The following GAREM1 variants were observed in gnomAD, a reference collection of about 807,000 sequenced individuals.
The protein encoded by GAREM1 is GRB2-associated and regulator of MAPK protein 1.
In GAREM1, 26 loss-of-function variants were observed where a neutral mutation model predicts 71.3. The observed-to-expected ratio is 0.36, with a 90% CI of 0.27 to 0.51. The LOEUF is 0.51. GAREM1 is among the 20% of genes least tolerant of loss of function. The pLI is 0.95. For synonymous variants in GAREM1, 440 were observed against 433.2 expected, an observed-to-expected ratio of 1.02 and a Z score of -0.20; for missense variants, 1,026 against 1,103.1, an observed-to-expected ratio of 0.93 and a Z score of 0.99.
intron 2 of GAREM1, among the ~76,000 whole-genome samples, chr18:32,315,165 T>C (rs2047363661): frequency 6.6e-6 from 1 of 151,900 alleles, no homozygotes; most frequent in Non-Finnish European, 1.5e-5. Context: ...TTTCATTCTG[T>C]CCCTTCAGAA....
chr18:32,356,387 G>A (rs944002839), intron 2 of GAREM1, among the ~76,000 whole-genome samples: 2 of 152,064 alleles, frequency 1.3e-5, no homozygotes, highest in African/African-American at 4.8e-5. Flanking sequence ...TTTGACTTTC[G>A]CTATCACAAA....
chr18:32,328,346 G>T (rs1288693515), intron 2 of GAREM1, among the ~76,000 whole-genome samples: 1 of 152,188 alleles, frequency 6.6e-6, no homozygotes, highest in Non-Finnish European at 1.5e-5. Context: ...ATTACTGCAG[G>T]AGATAGTGGG....
chr18:32,318,596 G>A (rs1390362069), intron 2 of GAREM1, among the ~76,000 whole-genome samples: 1 of 152,178 alleles, frequency 6.6e-6, no homozygotes, highest in Non-Finnish European at 1.5e-5. Context: ...TAGGGTTAGT[G>A]CCACCGATGA....
chr18:32,289,658 C>G (rs1162805632), intron 3 of GAREM1, among the ~76,000 whole-genome samples: 1 of 152,024 alleles, frequency 6.6e-6, no homozygotes, highest in Non-Finnish European at 1.5e-5. Flanking sequence ...GATATAGATT[C>G]ATGATTCTGA....
rs1160574091 is a variant in GAREM1, at chr18:32,264,305, C to T, written c.*3566G>A. On this transcript the variant is annotated 3_prime_UTR_variant, in exon 6 of 6. Transcript: ENST00000269209. ...GACTGAAATTAAAATTTCCTTTGAACAGTTCGCTAGGTTCTTTGAAGGATT... is the reference window on the plus strand; with the variant it reads ...GACTGAAATTAAAATTTCCTTTGAATAGTTCGCTAGGTTCTTTGAAGGATT... 6.6e-6 allele frequency: 1 copy of T among 152,164 alleles called. No homozygotes were observed. Among genetic ancestry groups the T allele is most frequent in the Non-Finnish European group, 1.5e-5 (1 of 68,030 alleles). The allele number at this position is 152,164 out of a possible 1,614,324, so 9.4% of individuals were successfully genotyped here.
chr18:32,366,236 C>G (rs1309553925), intron 2 of GAREM1, among the ~76,000 whole-genome samples: 1 of 152,142 alleles, frequency 6.6e-6, no homozygotes, highest in Non-Finnish European at 1.5e-5. Context: ...TCTAAACAGT[C>G]CCATAGCACC....
intron 2 of GAREM1, among the ~76,000 whole-genome samples, chr18:32,361,365 G>A (rs1332928725): frequency 6.6e-6 from 1 of 152,120 alleles, no homozygotes; most frequent in Non-Finnish European, 1.5e-5. Context: ...GGTGAGGAAG[G>A]CAAATCTGTT....
chr18:32,436,974 A>T (rs559145651), intron 1 of GAREM1, among the ~76,000 whole-genome samples: 1 of 152,206 alleles, frequency 6.6e-6, no homozygotes, highest in African/African-American at 2.4e-5. Context: ...TTAAATGAGA[A>T]ATTACACATA....
rs545881077 is a variant in GAREM1 at position 32,303,006 on chromosome 18, C to T, written c.393+7187G>A. Among the ~76,000 whole-genome samples the T allele has an allele frequency of 4.6e-5, 7 of 152,298 alleles. No individual in the cohort carries two copies. The South Asian group carries it at 8.3e-4, about 18-fold the overall frequency. ...CCTCAGCTCCTGGGCAGACCACGCACGCAGTAGGGAAGTGGTTCTGAAGAG... is the reference window on the plus strand; with the variant it reads ...CCTCAGCTCCTGGGCAGACCACGCATGCAGTAGGGAAGTGGTTCTGAAGAG... On this transcript the variant is annotated intron_variant, in intron 3 of 5. Coordinates refer to ENST00000269209, the MANE Select transcript of GAREM1 (RefSeq NM_001242409.2).
At chr18:32,412,488 C>T in intron 1 of GAREM1, 1 of 1,594,514 alleles carries the variant, frequency 6.3e-7, no homozygotes, top group Non-Finnish European at 8.5e-7. Flanking sequence ...AGCACGGCTG[C>T]CACCAAAGCC....
In GAREM1 at chr18:32,268,415, G is replaced by A. The variant is rs2041407559; in HGVS notation, c.2087C>T (p.Pro696Leu). Residue 696 changes from proline (P) to leucine (L), a missense_variant, in exon 6 of 6, where the codon CCC becomes CTC. Pro to Leu is a moderately conservative substitution (Grantham distance 98). Around this residue, in one of 3 missense-constraint regions of GAREM1, gnomAD observed 636 missense variants for 631.2 expected, o/e 1.01. Coordinates refer to ENST00000269209, the MANE Select transcript of GAREM1 (RefSeq NM_001242409.2). ...CTCCAGAGAGTAGCTGGCTGACTTGGGACAACCAGAGACGCTGCTACTGAA... is the reference window on the plus strand; with the variant it reads ...CTCCAGAGAGTAGCTGGCTGACTTGAGACAACCAGAGACGCTGCTACTGAA... The part of the protein sequence containing the change: ...AEFSSSVSGC[P>L]KSASYSLEST... 1 of 1,614,172 alleles carries A rather than the reference G, an allele frequency of 6.2e-7. No homozygotes were observed.
chr18:32,418,325 T>C (rs2048484238), intron 1 of GAREM1, among the ~76,000 whole-genome samples: 1 of 152,124 alleles, frequency 6.6e-6, no homozygotes, highest in South Asian at 2.1e-4. Flanking sequence ...TCAAAGTCCA[T>C]GAGCCAAAGT....
chr18:32,341,311 T>C (rs1487903326), intron 2 of GAREM1, among the ~76,000 whole-genome samples: 3 of 152,216 alleles, frequency 2.0e-5, no homozygotes, highest in Admixed American at 1.3e-4. Context: ...CATGAACTCA[T>C]CCTTTTTTCT....
At chr18:32,276,388 G>C (rs2041543052) in intron 4 of GAREM1, among the ~76,000 whole-genome samples, 1 of 152,162 alleles carries the variant, frequency 6.6e-6, no homozygotes, top group Non-Finnish European at 1.5e-5. Flanking sequence ...AATAGATTGA[G>C]TGCCTATCAT....
At chr18:32,359,652 GT>G (rs1416595363) in intron 2 of GAREM1, among the ~76,000 whole-genome samples, 1 of 149,720 alleles carries the variant, frequency 6.7e-6, no homozygotes, top group Non-Finnish European at 1.5e-5. Context: ...TGATCTATCA[GT>G]TTTCTCTTTT....
At chr18:32,311,406 T>C (rs1331415441) in intron 2 of GAREM1, among the ~76,000 whole-genome samples, 1 of 152,220 alleles carries the variant, frequency 6.6e-6, no homozygotes, top group African/African-American at 2.4e-5. Context: ...TGGAGATCCA[T>C]CAATTAATGG....
At chr18:32,457,354 A>C (rs1249127575) in intron 1 of GAREM1, among the ~76,000 whole-genome samples, 1 of 151,934 alleles carries the variant, frequency 6.6e-6, no homozygotes. Context: ...CAAATTCTTC[A>C]TAATATATAT....
At chr18:32,321,978 A>C (rs560269808) in intron 2 of GAREM1, among the ~76,000 whole-genome samples, 1 of 152,350 alleles carries the variant, frequency 6.6e-6, no homozygotes, top group East Asian at 1.9e-4. Flanking sequence ...CACAGTGATA[A>C]CCTGGGGATA....
chr18:32,422,292 T>G (rs1199634902), intron 1 of GAREM1, among the ~76,000 whole-genome samples: 3 of 152,166 alleles, frequency 2.0e-5, no homozygotes, highest in Non-Finnish European at 4.4e-5. Flanking sequence ...TTCCAGTTTT[T>G]CTCTGACTTC....
Sources: allele counts gnomAD v4.1 joint callset (sites outside exome capture counted in the v4.1 genomes callset), GRCh38; gene constraint gnomAD v4.1.1; regional missense constraint gnomAD v4.1.1; transcripts MANE v1.5; gene names NCBI Gene and HGNC (gene_info 2026-07-23, HGNC 2026-07-21).